PCDHGA3: variants seen among roughly 807,000 people sequenced by gnomAD.
PCDHGA3 encodes the protein protocadherin gamma-A3.
PCDHGA3 carries 40 observed loss-of-function variants against 58.5 expected under a neutral mutation model. The ratio of observed to expected loss-of-function variants is 0.68; its 90% CI spans 0.53 to 0.89. The LOEUF (loss-of-function observed/expected upper bound fraction) is 0.89. Ranked by LOEUF, PCDHGA3 falls within the 40% of genes least tolerant of loss-of-function variation. The pLI is 0.00. For synonymous variants in PCDHGA3, 530 were observed against 525.7 expected, an observed-to-expected ratio of 1.01 and a Z score of -0.11; for missense variants, 1,223 against 1,195.9, an observed-to-expected ratio of 1.02 and a Z score of -0.33.
intron 1 of PCDHGA3, chr5:141,371,021 C>T (rs1767401708): frequency 1.2e-6 from 2 of 1,614,026 alleles, no homozygotes; most frequent in South Asian, 2.2e-5. Flanking sequence ...CACATCACCA[C>T]CTGGTCCTCA....
intron 1 of PCDHGA3, chr5:141,384,446 C>A (rs781605513): frequency 6.2e-7 from 1 of 1,613,916 alleles, no homozygotes; most frequent in African/African-American, 1.3e-5. Flanking sequence ...GTCCTGTACG[C>A]GCTGCAATCC....
At chr5:141,387,728 C>A (rs1366349422) in intron 1 of PCDHGA3, 3 of 1,221,130 alleles carry the variant, frequency 2.5e-6, no homozygotes, top group Non-Finnish European at 2.2e-6. Flanking sequence ...TCCCCAGCGC[C>A]AGCCTTTACA....
At chr5:141,389,681 C>G in intron 1 of PCDHGA3, 5 of 1,612,438 alleles carry the variant, frequency 3.1e-6, no homozygotes, top group Non-Finnish European at 4.2e-6. Context: ...CAGGACACAA[C>G]GCCTGGCTGT....
At chr5:141,423,750 T>TGGGG (rs144521096) in intron 1 of PCDHGA3, 28 of 288,222 alleles carry the variant, frequency 9.7e-5, no homozygotes, top group Non-Finnish European at 1.2e-4. Flanking sequence ...GAAAACTGTT[T>TGGGG]GGGGGGGGGG....
chr5:141,421,831 G>C lies in PCDHGA3; in HGVS notation c.2425-72976G>C, dbSNP rs201283981. ...AGAGCTAGTACTGGAGGGAAGCCTG[G>C]ACCGAGAGAAAGAGGCTGCTCACCT... On this transcript the variant is annotated intron_variant, in intron 1 of 3. Transcript: ENST00000253812. 68 of 1,613,784 alleles carry C rather than the reference G, an allele frequency of 4.2e-5. 1 individual carries two copies. The East Asian group carries it at 1.4e-3, about 33-fold the overall frequency.
At chr5:141,414,531 C>A in intron 1 of PCDHGA3, 1 of 1,613,960 alleles carries the variant, frequency 6.2e-7, no homozygotes, top group Non-Finnish European at 8.5e-7. Context: ...TCAATGACAA[C>A]CCACCTACCT....
intron 1 of PCDHGA3, among the ~76,000 whole-genome samples, chr5:141,346,896 A>ATTT (rs1757825079): frequency 6.6e-6 from 1 of 152,226 alleles, no homozygotes; most frequent in Non-Finnish European, 1.5e-5. Flanking sequence ...GCTTATCCTG[A>ATTT]TACATACAAG....
intron 1 of PCDHGA3, chr5:141,399,617 T>G: frequency 6.2e-7 from 1 of 1,613,944 alleles, no homozygotes; most frequent in Non-Finnish European, 8.5e-7. Flanking sequence ...CCTCTGGCAC[T>G]GGCCTCTTAC....
chr5:141,407,505 T>TTTTTTTTTTTTTTTTTTTTTTTTTTGAG (rs1460306566), intron 1 of PCDHGA3, among the ~76,000 whole-genome samples: 1 of 152,146 alleles, frequency 6.6e-6, no homozygotes, highest in Non-Finnish European at 1.5e-5. Context: ...CTGTTTTTCT[T>TTTTTTTTTTTTTTTTTTTTTTTTTTGAG]AGGCTATGTA....
intron 1 of PCDHGA3, chr5:141,417,867 G>C (rs1182017096): frequency 1.9e-6 from 3 of 1,552,610 alleles, no homozygotes; most frequent in African/African-American, 2.7e-5. Flanking sequence ...ACGATGGGAG[G>C]GAGCTGCGCG....
intron 1 of PCDHGA3, chr5:141,360,927 G>A: frequency 6.2e-7 from 1 of 1,613,984 alleles, no homozygotes; most frequent in South Asian, 1.1e-5. Context: ...TGCTTCAAGT[G>A]ACAGCCACCG....
intron 1 of PCDHGA3, chr5:141,364,802 C>A (rs1312102403): frequency 6.8e-6 from 11 of 1,613,888 alleles, no homozygotes; most frequent in African/African-American, 5.3e-5. Flanking sequence ...TCCCTTCGCG[C>A]GGGATGCGGA....
chr5:141,441,102 C>A (rs1057297804), intron 1 of PCDHGA3: 2 of 152,148 alleles, frequency 1.3e-5, no homozygotes, highest in Non-Finnish European at 2.9e-5. Flanking sequence ...GAGAGGGACT[C>A]ATTGTCCAGT....
At chr5:141,377,297 C>T (rs566234622) in intron 1 of PCDHGA3, 1 of 151,972 alleles carries the variant, frequency 6.6e-6, no homozygotes, top group Non-Finnish European at 1.5e-5. Context: ...TAATTTAGGT[C>T]AGTGTTAAAG....
At chr5:141,507,809 C>G (rs866898784) in intron 3 of PCDHGA3, among the ~76,000 whole-genome samples, 1 of 152,206 alleles carries the variant, frequency 6.6e-6, no homozygotes, top group Non-Finnish European at 1.5e-5. Context: ...CCCTGGGGAA[C>G]GGACCCTGGG....
intron 1 of PCDHGA3, chr5:141,370,922 G>C (rs563952977): frequency 6.2e-7 from 1 of 1,613,978 alleles, no homozygotes; most frequent in Admixed American, 1.7e-5. Context: ...GCCCTGATCC[G>C]CACTTCTCTT....
intron 1 of PCDHGA3, chr5:141,351,201 G>T: frequency 1.9e-6 from 3 of 1,614,058 alleles, no homozygotes; most frequent in Non-Finnish European, 2.5e-6. Flanking sequence ...TATGTGTTGA[G>T]TGTGGAAGCT....
chr5:141,377,417 G>A (rs1773959916), intron 1 of PCDHGA3: 1 of 152,028 alleles, frequency 6.6e-6, no homozygotes, highest in Non-Finnish European at 1.5e-5. Context: ...ACCAGCCTGG[G>A]TGACTCTGTC....
At chr5:141,361,078 T>TA in intron 1 of PCDHGA3, 1 of 1,614,004 alleles carries the variant, frequency 6.2e-7, no homozygotes, top group Non-Finnish European at 8.5e-7. Context: ...TGCAAGTAGT[T>TA]ACACTCTGAG....
Sources: gnomAD v4.1 joint callset for allele counts (sites outside exome capture counted in the v4.1 genomes callset) on GRCh38, gnomAD v4.1.1 for gene constraint, MANE v1.5 for transcripts, NCBI Gene and HGNC (gene_info 2026-07-23, HGNC 2026-07-21) for gene names.